The following DLGAP4 variants were observed in gnomAD, a reference collection of about 807,000 sequenced individuals.
DLGAP4 encodes the protein DLG associated protein 4.
In DLGAP4, 18 loss-of-function variants were observed where a neutral mutation model predicts 86.9. The ratio of observed to expected loss-of-function variants is 0.21; its 90% CI spans 0.14 to 0.31. DLGAP4 has a LOEUF of 0.31. Among genes scored for constraint, DLGAP4 ranks in the 10% least tolerant of loss-of-function variants. The pLI, the probability that DLGAP4 is intolerant of heterozygous loss-of-function variation, is 1.00. For missense variants in DLGAP4, 1,085 were observed against 1,362.6 expected, an observed-to-expected ratio of 0.80 and a Z score of 3.21; for synonymous variants, 548 against 574.3, an observed-to-expected ratio of 0.95 and a Z score of 0.65.
intron 2 of DLGAP4, among the ~76,000 whole-genome samples, chr20:36,389,338 T>A (rs1367155478): frequency 6.6e-6 from 1 of 152,194 alleles, no homozygotes; most frequent in Non-Finnish European, 1.5e-5. Flanking sequence ...GTGGTTCGAG[T>A]ACCAGCTCTG....
At chr20:36,359,222 G>T (rs2030434435) in intron 1 of DLGAP4, among the ~76,000 whole-genome samples, 1 of 152,124 alleles carries the variant, frequency 6.6e-6, no homozygotes, top group African/African-American at 2.4e-5. Context: ...CAGATTCAAG[G>T]AATTCTCGTG....
intron 7 of DLGAP4, chr20:36,461,751 G>GGGCCCCCCCCCCCCC: frequency 4.8e-6 from 3 of 618,790 alleles, no homozygotes; most frequent in Non-Finnish European, 5.7e-6. Flanking sequence ...CCGTCCGTCC[G>GGGCCCCCCCCCCCCC]CCCGCCCGCC....
chr20:36,378,369 T>C (rs1178747713), intron 2 of DLGAP4, among the ~76,000 whole-genome samples: 1 of 152,218 alleles, frequency 6.6e-6, no homozygotes, highest in African/African-American at 2.4e-5. Flanking sequence ...TAGCCACTAG[T>C]ATTATCATCA....
intron 8 of DLGAP4, 151 bp downstream of exon 8, chr20:36,497,217 TC>T: frequency 1.4e-6 from 2 of 1,446,446 alleles, no homozygotes; most frequent in Non-Finnish European, 1.8e-6. Context: ...CAAACCGAAT[TC>T]CACCCATAGC....
intron 7 of DLGAP4, among the ~76,000 whole-genome samples, chr20:36,493,955 G>A (rs957172453): frequency 4.6e-5 from 7 of 152,306 alleles, no homozygotes; most frequent in Non-Finnish European, 1.0e-4. Flanking sequence ...GCTCCTCTTC[G>A]CTGAGCAGGC....
At chr20:36,449,412 C>T (rs556058677) in intron 7 of DLGAP4, among the ~76,000 whole-genome samples, 1 of 152,332 alleles carries the variant, frequency 6.6e-6, no homozygotes, top group South Asian at 2.1e-4. Context: ...GACTGGTCTG[C>T]TACAGCCTCC....
chr20:36,372,646 A>G (rs562547822), intron 2 of DLGAP4, among the ~76,000 whole-genome samples: 1 of 152,084 alleles, frequency 6.6e-6, no homozygotes, highest in Non-Finnish European at 1.5e-5. Flanking sequence ...TCTCTGAATC[A>G]TGGAATCTTA....
rs373413060 is a variant in DLGAP4 at position 36,322,393 on chromosome 20, C to G, written c.-304+15881C>G. Among the ~76,000 whole-genome samples, 28 of 152,174 alleles carry G rather than the reference C, an allele frequency of 1.8e-4. 2 individuals are homozygous for G. The South Asian group carries it at 5.6e-3, about 30-fold the overall frequency. On this transcript the variant is annotated intron_variant, in intron 1 of 12. Coordinates refer to ENST00000339266, the MANE Select transcript of DLGAP4 (RefSeq NM_001365621.2). ...CAGGGTTTGGGGATTTACATAAGAG[C>G]GTGGGTTGTGGCGCCAGAAGGTCTA...
At chr20:36,384,074 A>AG (rs2031506809) in intron 2 of DLGAP4, among the ~76,000 whole-genome samples, 1 of 151,454 alleles carries the variant, frequency 6.6e-6, no homozygotes, top group Admixed American at 6.6e-5. Context: ...CTAGCTAGAA[A>AG]AAAAAAGAAG....
At chr20:36,461,659 C>CG in intron 7 of DLGAP4, 1 of 109,104 alleles carries the variant, frequency 9.2e-6, no homozygotes, top group Non-Finnish European at 1.0e-5. Context: ...ACGGGGGCCG[C>CG]CCCGCCCGGC....
intron 10 of DLGAP4, among the ~76,000 whole-genome samples, chr20:36,501,204 T>C (rs1218421682): frequency 6.6e-6 from 1 of 152,000 alleles, no homozygotes; most frequent in East Asian, 1.9e-4. Context: ...TAGCTGGGAC[T>C]ACAGGCACGT....
At chr20:36,320,527 C>G (rs2065157866) in intron 1 of DLGAP4, among the ~76,000 whole-genome samples, 1 of 152,150 alleles carries the variant, frequency 6.6e-6, no homozygotes, top group South Asian at 2.1e-4. Context: ...CGCTGCAGGC[C>G]TGCGTCATGC....
intron 7 of DLGAP4, among the ~76,000 whole-genome samples, chr20:36,449,502 G>A (rs2033680418): frequency 6.6e-6 from 1 of 152,114 alleles, no homozygotes; most frequent in Non-Finnish European, 1.5e-5. Context: ...CCACCTTCAA[G>A]GTCTCCAAAC....
intron 2 of DLGAP4, among the ~76,000 whole-genome samples, chr20:36,418,790 C>T (rs998590441): frequency 3.3e-5 from 5 of 151,810 alleles, no homozygotes; most frequent in African/African-American, 9.7e-5. Context: ...GTCAGTCACA[C>T]GTCCCCAGCA....
intron 1 of DLGAP4, among the ~76,000 whole-genome samples, chr20:36,357,579 G>A (rs1197686322): frequency 6.6e-6 from 1 of 152,184 alleles, no homozygotes; most frequent in Non-Finnish European, 1.5e-5. Context: ...GGACATAGAA[G>A]GACTGGAACT....
intron 2 of DLGAP4, among the ~76,000 whole-genome samples, chr20:36,413,470 T>G (rs1188426001): frequency 7.6e-6 from 1 of 130,906 alleles, no homozygotes; most frequent in Non-Finnish European, 1.5e-5. Flanking sequence ...CAGGCTGGAG[T>G]GCAGTGGCAT....
intron 2 of DLGAP4, among the ~76,000 whole-genome samples, chr20:36,397,793 T>C (rs1242245636): frequency 1.3e-5 from 2 of 152,236 alleles, no homozygotes; most frequent in Non-Finnish European, 2.9e-5. Context: ...CATTGTTTCT[T>C]TGGTATTCGT....
chr20:36,457,980 G>A (rs547972137), intron 7 of DLGAP4, among the ~76,000 whole-genome samples: 8 of 152,208 alleles, frequency 5.3e-5, no homozygotes, highest in South Asian at 2.1e-4. Context: ...GCTGGGAAGC[G>A]CTCCAGGCGG....
intron 2 of DLGAP4, among the ~76,000 whole-genome samples, chr20:36,430,252 G>A (rs1192271645): frequency 2.0e-5 from 3 of 152,166 alleles, no homozygotes; most frequent in African/African-American, 4.8e-5. Flanking sequence ...TCCTGAGGAC[G>A]TGCCCCTGTT....
Sources: allele counts gnomAD v4.1 joint callset (sites outside exome capture counted in the v4.1 genomes callset), GRCh38; gene constraint gnomAD v4.1.1; transcripts MANE v1.5; gene names NCBI Gene and HGNC (gene_info 2026-07-23, HGNC 2026-07-21).